The following MLC1 variants were observed in gnomAD, a reference collection of about 807,000 sequenced individuals.
MLC1 encodes membrane protein MLC1.
A neutral mutation model predicts 44.7 loss-of-function variants in MLC1; 32 were observed. That is an observed-to-expected ratio of 0.72 (90% CI 0.54 to 0.96). MLC1 has a LOEUF of 0.96. Among genes scored for constraint, MLC1 ranks in the 40% least tolerant of loss-of-function variants. MLC1 has a pLI of 0.00. For missense variants in MLC1, 459 were observed against 492.2 expected, an observed-to-expected ratio of 0.93 and a Z score of 0.64; for synonymous variants, 190 against 213.0, an observed-to-expected ratio of 0.89 and a Z score of 0.94.
chr22:50,082,205 CCGCGGCTTGCGGGCCAGAGGGG>C (rs2062161313), intron 3 of MLC1, among the ~76,000 whole-genome samples: 5 of 90,656 alleles, frequency 5.5e-5, no homozygotes, highest in African/African-American at 1.5e-4. Flanking sequence ...GGCATGGGGT[CCGCGGCTTGCGGGCCAGAGGGG>C]CATGGGGTGC....
In MLC1 at chr22:50,083,216, C is replaced by T. The variant is rs774471151; in HGVS notation, c.178-43G>A. ...AATCCCAGGTTACAACGCGCCCCGT[C>T]CCCAGGCTGGACCCTGACCCTTCAA... On this transcript the variant is annotated intron_variant, in intron 2 of 11. Transcript: ENST00000311597. This position sits in a 1 kb window ranked among gnomAD's most constrained non-coding sequence, Gnocchi z 4.6. 32 of 1,550,668 alleles carry T rather than the reference C, an allele frequency of 2.1e-5. 2 individuals carry two copies. In the South Asian group the frequency reaches 2.2e-4, roughly 11 times the overall value.
intron 2 of MLC1, 63 bp downstream of exon 2, chr22:50,084,663 A>G: frequency 6.4e-7 from 1 of 1,572,884 alleles, no homozygotes; most frequent in Non-Finnish European, 8.7e-7. Flanking sequence ...AGGGCGCTGC[A>G]GTCCGTCACC....
At chr22:50,084,482 C>G (rs2062231062) in intron 2 of MLC1, among the ~76,000 whole-genome samples, 1 of 152,212 alleles carries the variant, frequency 6.6e-6, no homozygotes, top group Non-Finnish European at 1.5e-5. Flanking sequence ...TGTCCCTACC[C>G]TGGTGGGACT....
intron 7 of MLC1, 41 bp downstream of exon 7, chr22:50,076,800 C>T: frequency 6.2e-7 from 1 of 1,600,598 alleles, no homozygotes; most frequent in Non-Finnish European, 8.6e-7. Context: ...TCACCCCCGA[C>T]AGAGTATGAG....
At chr22:50,075,599 A>G (rs976263010) in intron 7 of MLC1, among the ~76,000 whole-genome samples, 1 of 151,692 alleles carries the variant, frequency 6.6e-6, no homozygotes, top group Admixed American at 6.6e-5. Context: ...AATCCCAGCT[A>G]CTCGGGAGGC....
At chr22:50,072,239 G>T (rs73183390) in intron 8 of MLC1, among the ~76,000 whole-genome samples, 78 of 152,348 alleles carry the variant, frequency 5.1e-4, no homozygotes, top group Non-Finnish European at 1.0e-3. Flanking sequence ...GGGCCAGGAA[G>T]CTCAGCCATA....
At chr22:50,063,486 A>AG (rs1292428005) in intron 11 of MLC1, among the ~76,000 whole-genome samples, 6 of 142,868 alleles carry the variant, frequency 4.2e-5, no homozygotes, top group African/African-American at 1.3e-4. Context: ...AAAAAAAAAA[A>AG]AAAAGAAAAG....
At chr22:50,069,115 C>T (rs2061789332) in intron 9 of MLC1, among the ~76,000 whole-genome samples, 1 of 152,010 alleles carries the variant, frequency 6.6e-6, no homozygotes, top group African/African-American at 2.4e-5. Flanking sequence ...CAACCTCTGC[C>T]TCCTGGGTTC....
In MLC1 at chr22:50,076,885, G is replaced by C. The variant is rs1602035628; in HGVS notation, c.553C>G (p.Leu185Val). Residue 185 changes from leucine (L) to valine (V), a missense_variant, in exon 7 of 12, where the codon CTG becomes GTG. Coordinates refer to ENST00000311597, the MANE Select transcript of MLC1 (RefSeq NM_015166.4). The part of the protein sequence containing the change: ...KGSMSDSANI[L>V]DEVPFPARVL... ...CGAGCAGGAAATGGCACTTCGTCCA[G>C]AATGTTGGCGCTGTCAGACATGGAG... The C allele has an allele frequency of 6.2e-7, 1 of 1,613,970 alleles. No homozygotes were observed. Among genetic ancestry groups the C allele is most frequent in the Non-Finnish European group, 8.5e-7 (1 of 1,179,872 alleles).
chr22:50,064,737 C>A (rs566784933), intron 10 of MLC1, among the ~76,000 whole-genome samples: 2 of 152,034 alleles, frequency 1.3e-5, no homozygotes, highest in African/African-American at 4.8e-5. Context: ...AGGGAGCGGC[C>A]GAGGATGCAG....
Position 50,061,630 on chromosome 22 carries a change from C to T in MLC1, c.1087G>A (p.Asp363Asn), listed in dbSNP as rs779971307. Reference protein sequence around the residue: ...EVARSPLKEFDKEKAWRAVVV... With the variant: ...EVARSPLKEFNKEKAWRAVVV... ...ACGGCTCTCCAGGCTTTCTCCTTGTCGAACTCCTTCAGGGGGCTCCTGGCC... is the reference window on the plus strand; with the variant it reads ...ACGGCTCTCCAGGCTTTCTCCTTGTTGAACTCCTTCAGGGGGCTCCTGGCC... Residue 363 changes from aspartate to asparagine, a missense_variant, in exon 12 of 12, where the codon GAC becomes AAC. By Grantham distance (23) the Asp-to-Asn change is conservative. Coordinates refer to ENST00000311597, the MANE Select transcript of MLC1 (RefSeq NM_015166.4). 39 of 1,613,750 alleles carry T rather than the reference C, an allele frequency of 2.4e-5. No homozygotes were observed. The Middle Eastern group carries it at 6.6e-4, about 27-fold the overall frequency.
chr22:50,085,129 A>G, intron 1 of MLC1, 168 bp from the exon 2 acceptor site: 1 of 1,415,062 alleles, frequency 7.1e-7, no homozygotes, highest in Non-Finnish European at 9.2e-7. Flanking sequence ...ACTTTCCTAG[A>G]AAAACGGACC....
chr22:50,062,918 C>A (rs537187112), intron 11 of MLC1, among the ~76,000 whole-genome samples: 2 of 152,128 alleles, frequency 1.3e-5, no homozygotes, highest in Non-Finnish European at 2.9e-5. Context: ...AGGCAGGGCC[C>A]GGGGGAACAT....
intron 7 of MLC1, among the ~76,000 whole-genome samples, chr22:50,075,537 C>T (rs548738817): frequency 6.6e-6 from 1 of 152,088 alleles, no homozygotes; most frequent in Non-Finnish European, 1.5e-5. Context: ...TGGTAAACCC[C>T]GTCTCTACTA....
intron 8 of MLC1, among the ~76,000 whole-genome samples, chr22:50,071,293 T>C (rs1362348831): frequency 6.6e-6 from 1 of 152,138 alleles, no homozygotes; most frequent in Non-Finnish European, 1.5e-5. Flanking sequence ...GGTTTCGCCT[T>C]GTTGGCCAGG....
rs6010260 is a variant in MLC1 at position 50,077,414 on chromosome 22, C to A, written c.512G>T (p.Cys171Phe). 202,620 of 1,613,234 alleles carry A rather than the reference C, an allele frequency of 0.13. 13,601 individuals are homozygous for A. The highest frequency in any genetic ancestry group is 0.22 in the South Asian group (20,250 of 91,018). Reference sequence around the variant, plus strand: ...AGCTGCACCCACCTTCTTTTTCTTGCAGTCCTCCTCGCTGGACCGTGCAGC... The same window carrying A: ...AGCTGCACCCACCTTCTTTTTCTTGAAGTCCTCCTCGCTGGACCGTGCAGC... ...IIAARSSEED[C>F]KKKKGSMSDS... The change falls in exon 6 of 12, where the codon TGC becomes TTC. Residue 171 changes from cysteine to phenylalanine, a missense_variant. Physicochemically the swap from Cys to Phe is radical, Grantham distance 205. Transcript: ENST00000311597.
chr22:50,076,409 G>A (rs1038442246), intron 7 of MLC1, among the ~76,000 whole-genome samples: 3 of 152,132 alleles, frequency 2.0e-5, no homozygotes, highest in African/African-American at 7.2e-5. Context: ...AAAATAATTA[G>A]CCGGGCGTGG....
intron 10 of MLC1, among the ~76,000 whole-genome samples, chr22:50,066,635 G>A (rs1390415723): frequency 1.3e-5 from 2 of 151,400 alleles, no homozygotes; most frequent in African/African-American, 4.9e-5. Context: ...ACTCCAGCCT[G>A]GGAGACAGAG....
At chr22:50,072,430 C>G (rs372506176) in intron 8 of MLC1, among the ~76,000 whole-genome samples, 98 of 152,334 alleles carry the variant, frequency 6.4e-4, no homozygotes, top group African/African-American at 2.3e-3. Flanking sequence ...TGCCTCAGCG[C>G]TCTCCTCTCC....
Sources: allele counts gnomAD v4.1 joint callset (sites outside exome capture counted in the v4.1 genomes callset), GRCh38; gene constraint gnomAD v4.1.1; non-coding constraint Gnocchi (gnomAD v3.1); transcripts MANE v1.5; gene names NCBI Gene and HGNC (gene_info 2026-07-23, HGNC 2026-07-21).